The following GAP43 variants were observed in gnomAD, a reference collection of about 807,000 sequenced individuals.
GAP43 encodes neuromodulin.
In GAP43, 6 loss-of-function variants were observed where a neutral mutation model predicts 18.6. The ratio of observed to expected loss-of-function variants is 0.32; its 90% CI spans 0.18 to 0.64. The LOEUF is 0.64. GAP43 is among the 30% of genes least tolerant of loss of function. The pLI is 0.78. For synonymous variants in GAP43, 115 were observed against 111.4 expected (o/e 1.03, Z -0.20); for missense variants, 292 against 295.5 (o/e 0.99, Z 0.09).
At chr3:115,634,526 A>G (rs947618200) in intron 1 of GAP43, among the ~76,000 whole-genome samples, 1 of 152,088 alleles carries the variant, frequency 6.6e-6, no homozygotes, top group Non-Finnish European at 1.5e-5. Flanking sequence ...TTGTAATCCC[A>G]GAAATTCGGG....
intron 2 of GAP43, among the ~76,000 whole-genome samples, chr3:115,713,977 T>A (rs527608488): frequency 8.4e-4 from 128 of 152,306 alleles, no homozygotes; most frequent in African/African-American, 3.0e-3. Context: ...TAGGGCTGAG[T>A]GCTTCTTATC....
intron 2 of GAP43, among the ~76,000 whole-genome samples, chr3:115,716,697 A>T (rs1709505625): frequency 7.6e-6 from 1 of 130,950 alleles, no homozygotes; most frequent in Non-Finnish European, 1.6e-5. Context: ...TCAAGTAAAA[A>T]ATTACTTTAA....
chr3:115,714,389 T>C (rs1380376122), intron 2 of GAP43, among the ~76,000 whole-genome samples: 3 of 152,148 alleles, frequency 2.0e-5, no homozygotes, highest in African/African-American at 7.2e-5. Flanking sequence ...TTGTCAAGGC[T>C]AAAATGCCAT....
intron 1 of GAP43, among the ~76,000 whole-genome samples, chr3:115,646,037 T>G (rs945476865): frequency 2.6e-5 from 4 of 152,218 alleles, no homozygotes; most frequent in African/African-American, 9.6e-5. Context: ...GTTTTAAAAT[T>G]TAAAATATAC....
At chr3:115,639,256 G>T (rs1708368066) in intron 1 of GAP43, among the ~76,000 whole-genome samples, 1 of 152,144 alleles carries the variant, frequency 6.6e-6, no homozygotes, top group Admixed American at 6.6e-5. Context: ...AGTGATACCA[G>T]CTGGTTGCTT....
At chr3:115,628,520 T>C (rs753671942) in intron 1 of GAP43, among the ~76,000 whole-genome samples, 1 of 152,170 alleles carries the variant, frequency 6.6e-6, no homozygotes, top group Non-Finnish European at 1.5e-5. Context: ...ATAATTTCAC[T>C]GAAAAACATA....
At position 115,637,919 on chromosome 3, in the gene GAP43, C is replaced by T. The variant is rs577308653; in HGVS notation, c.30+14200C>T. Among the ~76,000 whole-genome samples, 5 of 152,066 alleles carry T rather than the reference C, an allele frequency of 3.3e-5. No homozygotes were observed. The East Asian group carries it at 9.7e-4, about 29-fold the overall frequency. ...TTTCTCTGGTTTCTATAAGTAAAAACCAAATAAATAAAAAACCTTTTCATT... is the reference window on the plus strand; with the variant it reads ...TTTCTCTGGTTTCTATAAGTAAAAATCAAATAAATAAAAAACCTTTTCATT... On this transcript the variant is annotated intron_variant, in intron 1 of 2. Transcript: ENST00000305124.
At chr3:115,679,530 T>C (rs1167876983) in intron 2 of GAP43, among the ~76,000 whole-genome samples, 1 of 152,204 alleles carries the variant, frequency 6.6e-6, no homozygotes, top group Non-Finnish European at 1.5e-5. Flanking sequence ...ATGATTCCTT[T>C]AGAGGAAGAG....
chr3:115,719,796 G>C (rs1011688621), intron 2 of GAP43, among the ~76,000 whole-genome samples: 1 of 152,192 alleles, frequency 6.6e-6, no homozygotes, highest in Non-Finnish European at 1.5e-5. Context: ...CCTAGGGGTG[G>C]TCTTGGGGGA....
intron 2 of GAP43, among the ~76,000 whole-genome samples, chr3:115,706,271 G>A (rs1709361810): frequency 6.6e-6 from 1 of 152,164 alleles, no homozygotes. Context: ...TCCTTTTCAA[G>A]TATAGGATTC....
intron 2 of GAP43, among the ~76,000 whole-genome samples, chr3:115,691,068 T>G (rs1421481356): frequency 6.6e-6 from 1 of 152,090 alleles, no homozygotes; most frequent in Non-Finnish European, 1.5e-5. Flanking sequence ...TCTGGGCAAA[T>G]CTTAAAATTG....
At chr3:115,700,965 C>A (rs1474185576) in intron 2 of GAP43, among the ~76,000 whole-genome samples, 1 of 152,072 alleles carries the variant, frequency 6.6e-6, no homozygotes, top group Non-Finnish European at 1.5e-5. Flanking sequence ...TCAAACATGA[C>A]CCAGTCAAAT....
intron 1 of GAP43, among the ~76,000 whole-genome samples, chr3:115,672,359 G>A (rs1442539504): frequency 2.6e-5 from 4 of 152,100 alleles, no homozygotes; most frequent in Non-Finnish European, 4.4e-5. Context: ...GTGGGGAAAG[G>A]GTCAAAGCGT....
intron 1 of GAP43, among the ~76,000 whole-genome samples, chr3:115,673,732 A>T (rs1011364750): frequency 1.3e-5 from 2 of 152,204 alleles, no homozygotes; most frequent in African/African-American, 4.8e-5. Context: ...AGTAGGAGTC[A>T]TCAAGAGCAG....
intron 2 of GAP43, among the ~76,000 whole-genome samples, chr3:115,701,793 CA>C (rs1211250979): frequency 6.6e-6 from 1 of 152,126 alleles, no homozygotes; most frequent in Non-Finnish European, 1.5e-5. Context: ...TCCACCCCGC[CA>C]ACCTGTCCTT....
chr3:115,662,508 A>G (rs1708675742), intron 1 of GAP43, among the ~76,000 whole-genome samples: 1 of 152,354 alleles, frequency 6.6e-6, no homozygotes, highest in South Asian at 2.1e-4. Context: ...TGCAAACCAC[A>G]GAGAGAGTTG....
chr3:115,672,779 C>T (rs1708831004), intron 1 of GAP43, among the ~76,000 whole-genome samples: 3 of 150,396 alleles, frequency 2.0e-5, no homozygotes, highest in African/African-American at 7.4e-5. Flanking sequence ...CTTTCCTTTC[C>T]TTTCATTTCC....
At chr3:115,667,024 G>A (rs998588958) in intron 1 of GAP43, among the ~76,000 whole-genome samples, 12 of 152,058 alleles carry the variant, frequency 7.9e-5, no homozygotes, top group African/African-American at 1.7e-4. Flanking sequence ...GACCTGGAGC[G>A]AGAACACCCA....
At chr3:115,654,458 C>T (rs1708556634) in intron 1 of GAP43, among the ~76,000 whole-genome samples, 1 of 152,182 alleles carries the variant, frequency 6.6e-6, no homozygotes, top group Non-Finnish European at 1.5e-5. Context: ...TTCAGCTCAC[C>T]TTTCTTAGCA....
Sources: allele counts gnomAD v4.1 joint callset (sites outside exome capture counted in the v4.1 genomes callset), GRCh38; gene constraint gnomAD v4.1.1; transcripts MANE v1.5; gene names NCBI Gene and HGNC (gene_info 2026-07-23, HGNC 2026-07-21).